The following CTSB variants were observed in gnomAD, a reference collection of about 807,000 sequenced individuals.
CTSB encodes the protein cathepsin B, also known as APP secretase.
In CTSB, 57 loss-of-function variants were observed where a neutral mutation model predicts 44.3. The observed-to-expected ratio is 1.29, with a 90% confidence interval of 1.04 to 1.60. The LOEUF is 1.60. Among genes scored for constraint, CTSB ranks in the 40% most tolerant of loss-of-function variants. The pLI is 0.00. For synonymous variants in CTSB, 320 were observed against 168.0 expected (o/e 1.91, Z -7.00); for missense variants, 768 against 443.0 (o/e 1.73, Z -6.59).
intron 1 of CTSB, chr8:11,864,445 C>G (rs1473270215): frequency 6.6e-6 from 1 of 151,472 alleles, no homozygotes; most frequent in East Asian, 1.9e-4. Flanking sequence ...GAGCCGTGGT[C>G]GCACCACTGC....
intron 3 of CTSB, among the ~76,000 whole-genome samples, chr8:11,851,299 C>T (rs1326612278): frequency 6.6e-6 from 1 of 152,096 alleles, no homozygotes; most frequent in Admixed American, 6.5e-5. Context: ...AATCGATTCT[C>T]GTGCCTCAGC....
chr8:11,862,415 T>C (rs190588171), intron 1 of CTSB: 3 of 152,316 alleles, frequency 2.0e-5, no homozygotes, highest in Admixed American at 1.3e-4. Flanking sequence ...AAAAGCCATC[T>C]CCTTATACAT....
chr8:11,856,164 G>A (rs1316732312), intron 1 of CTSB, among the ~76,000 whole-genome samples: 2 of 152,054 alleles, frequency 1.3e-5, no homozygotes, highest in African/African-American at 4.8e-5. Context: ...GTGGGGAAAC[G>A]GAAGGCATGA....
Position 11,845,653 on chromosome 8 carries a change from C to T in CTSB, c.922+8G>A, listed in dbSNP as rs901342500. The T allele has an allele frequency of 1.9e-6, 3 of 1,611,382 alleles. No individual in the cohort carries two copies. The highest frequency in any genetic ancestry group is 1.7e-6 in the Non-Finnish European group (2 of 1,178,042). On this transcript the variant is annotated splice_region_variant and intron_variant, in intron 9 of 9. Coordinates refer to ENST00000353047, the MANE Select transcript of CTSB (RefSeq NM_001908.5). ...ACTGTTCTTGGCAGGAAGGGGGCAG[C>T]CACTCACCATTGTCACCCCAGTCAG...
At chr8:11,850,444 AAGAAAAAG>A (rs1287397047) in intron 4 of CTSB, among the ~76,000 whole-genome samples, 152 of 147,370 alleles carry the variant, frequency 1.0e-3, no homozygotes, top group African/African-American at 3.2e-3. Context: ...AAAAAAAAGA[AAGAAAAAG>A]AAAACAAAAG....
In CTSB at chr8:11,847,833, G is replaced by C. The variant is rs1736088; in HGVS notation, c.533-11C>G. The C allele has an allele frequency of 0.6, 954,111 of 1,582,384 alleles. 290,281 individuals are homozygous for C. Among genetic ancestry groups the C allele is most frequent in the Non-Finnish European group, 0.63 (734,825 of 1,169,648 alleles). On this transcript the variant is annotated splice_polypyrimidine_tract_variant and intron_variant, in intron 6 of 9. Transcript: ENST00000353047. ...AGTACGGTCTGCACCCTGATGGGAC[G>C]CGGGAGAAAGCGGAGTCAACCTACA...
chr8:11,858,102 G>A (rs1470450098), intron 1 of CTSB, among the ~76,000 whole-genome samples: 1 of 152,166 alleles, frequency 6.6e-6, no homozygotes, highest in Non-Finnish European at 1.5e-5. Flanking sequence ...GTCTCAGGTG[G>A]CAGTCAAGAA....
intron 1 of CTSB, among the ~76,000 whole-genome samples, chr8:11,867,020 T>TG (rs151072284): frequency 0.039 from 5,918 of 152,224 alleles, 178 homozygotes; most frequent in African/African-American, 0.068. Flanking sequence ...CCAGTGGGTT[T>TG]GGGGGGTCTC....
rs1812716251 is a variant in CTSB, at chr8:11,843,890, G to GGC, written c.*1233_*1234dup. ...TACTTAAAAATACAAAAATTACCCA[G>GGC]GCATATTGGTGAGTGCCTGTCATCC... On this transcript the variant is annotated 3_prime_UTR_variant, in exon 10 of 10. Coordinates refer to ENST00000353047, the MANE Select transcript of CTSB (RefSeq NM_001908.5). The GGC allele has an allele frequency of 6.6e-6, 1 of 152,170 alleles. No homozygotes were observed. The highest frequency in any genetic ancestry group is 2.1e-4 in the South Asian group (1 of 4,830). 9.4% of individuals were successfully genotyped at this position (152,170 alleles called of 1,614,324 possible).
At chr8:11,850,419 C>CAAAAAAAAA (rs61067792) in intron 4 of CTSB, among the ~76,000 whole-genome samples, 14 of 53,756 alleles carry the variant, frequency 2.6e-4, no homozygotes, top group South Asian at 8.5e-4. Flanking sequence ...ACTCCATCTC[C>CAAAAAAAAA]AAAAAAAAAA....
intron 5 of CTSB, 72 bp from the exon 6 acceptor site, chr8:11,848,224 C>A: frequency 7.0e-7 from 1 of 1,422,478 alleles, no homozygotes; most frequent in Non-Finnish European, 9.9e-7. Flanking sequence ...GTGTGCTACC[C>A]AAGTGCCCGA....
At chr8:11,850,826 T>G in intron 4 of CTSB, 40 bp downstream of exon 4, 1 of 1,481,586 alleles carries the variant, frequency 6.7e-7, no homozygotes, top group Non-Finnish European at 9.4e-7. Context: ...TTGCTCCCAC[T>G]TTCTCTCCAG....
At chr8:11,853,979 C>T (rs1815074910) in intron 1 of CTSB, among the ~76,000 whole-genome samples, 1 of 152,112 alleles carries the variant, frequency 6.6e-6, no homozygotes, top group East Asian at 1.9e-4. Flanking sequence ...AGAGGTGGGG[C>T]TGGGCTGGCC....
chr8:11,853,441 C>G lies in CTSB; in HGVS notation c.14G>C (p.Trp5Ser). Residue 5 changes from tryptophan to serine, a missense_variant, in exon 2 of 10, where the codon TGG becomes TCG. Transcript: ENST00000353047. ...CACCAGCAGGCAGCAGAGGGAGGCC[C>G]AGAGCTGCCACATGTTGGAAGCCGG... MWQL[W>S]ASLCCLLVLA... The G allele has an allele frequency of 1.9e-6, 3 of 1,611,762 alleles. No individual in the cohort carries two copies. The highest frequency in any genetic ancestry group is 2.5e-6 in the Non-Finnish European group (3 of 1,179,538).
chr8:11,863,685 C>T lies in CTSB; in HGVS notation c.-26+4316G>A, dbSNP rs544927075. Among the ~76,000 whole-genome samples the T allele has an allele frequency of 2.0e-3, 300 of 152,258 alleles. 5 individuals carry two copies. Among genetic ancestry groups the T allele is most frequent in the Non-Finnish European group, 7.8e-4 (53 of 68,022 alleles). On this transcript the variant is annotated intron_variant, in intron 1 of 9. Transcript: ENST00000353047. The stretch of plus-strand genomic sequence containing the variant: ...GCATAAGTGGGTTACTGTTGTCCTA[C>T]AGCAAAGATTAAATTTGAATTTCTG...
At chr8:11,855,373 C>T (rs1211726825) in intron 1 of CTSB, among the ~76,000 whole-genome samples, 1 of 152,192 alleles carries the variant, frequency 6.6e-6, no homozygotes, top group Non-Finnish European at 1.5e-5. Flanking sequence ...CTTTGAAAAA[C>T]AGGCTGGGTG....
chr8:11,849,425 C>T (rs62495695), intron 4 of CTSB: 105 of 317,248 alleles, frequency 3.3e-4, no homozygotes, highest in African/African-American at 1.6e-3. Flanking sequence ...GGATTAGAGG[C>T]GTGATGAGCC....
chr8:11,846,954 C>T (rs1735575903), intron 8 of CTSB, 98 bp downstream of exon 8: 2 of 723,946 alleles, frequency 2.8e-6, no homozygotes, highest in Admixed American at 1.8e-5. Flanking sequence ...CCTCACCTGC[C>T]TGCCCAATCC....
At position 11,847,778 on chromosome 8, in the gene CTSB, C is replaced by T. The variant is rs371843229; in HGVS notation, c.577G>A (p.Gly193Ser). The T allele has an allele frequency of 1.1e-5, 18 of 1,599,094 alleles. No homozygotes were observed. Among genetic ancestry groups the T allele is most frequent in the Admixed American group, 1.8e-5 (1 of 54,366 alleles). The part of the protein sequence containing the change: ...SIPPCEHHVN[G>S]SRPPCTGEGD... ...TCCCCCGTGCATGGGGGCCGGGAGCCGTTGACGTGGTGCTCACAGGGAGGG... is the reference window on the plus strand; with the variant it reads ...TCCCCCGTGCATGGGGGCCGGGAGCTGTTGACGTGGTGCTCACAGGGAGGG... Residue 193 changes from glycine (G) to serine (S), a missense_variant, in exon 7 of 10, where the codon GGC becomes AGC. Transcript: ENST00000353047.
Sources: gnomAD v4.1 joint callset for allele counts (sites outside exome capture counted in the v4.1 genomes callset) on GRCh38, gnomAD v4.1.1 for gene constraint, MANE v1.5 for transcripts, NCBI Gene and HGNC (gene_info 2026-07-23, HGNC 2026-07-21) for gene names.